The following ATRNL1 variants were observed in gnomAD, a reference collection of about 807,000 sequenced individuals.
ATRNL1 encodes the protein attractin-like protein 1.
In ATRNL1, 95 loss-of-function variants were observed where a neutral mutation model predicts 182.7. That is an observed-to-expected ratio of 0.52 (90% CI 0.44 to 0.62). ATRNL1 has a LOEUF of 0.62. Among genes scored for constraint, ATRNL1 ranks in the 20% least tolerant of loss-of-function variants. ATRNL1 has a pLI of 0.00. For missense variants in ATRNL1, 1,471 were observed against 1,679.5 expected (o/e 0.88, Z 2.17); for synonymous variants, 576 against 568.3 (o/e 1.01, Z -0.19).
At chr10:115,430,599 C>T (rs1309406721) in intron 21 of ATRNL1, among the ~76,000 whole-genome samples, 3 of 152,086 alleles carry the variant, frequency 2.0e-5, no homozygotes, top group African/African-American at 7.2e-5. Context: ...ATTATTTCAT[C>T]TCCCAGGTAA....
intron 24 of ATRNL1, among the ~76,000 whole-genome samples, chr10:115,501,225 C>T (rs35031734): frequency 0.16 from 25,027 of 152,084 alleles, 2,593 homozygotes; most frequent in South Asian, 0.24. Context: ...TGAGCCACTG[C>T]GTCTGGCCCA....
intron 27 of ATRNL1, among the ~76,000 whole-genome samples, chr10:115,748,908 T>A (rs546258593): frequency 6.6e-6 from 1 of 152,138 alleles, no homozygotes; most frequent in East Asian, 1.9e-4. Flanking sequence ...ATTTATTAAA[T>A]GCAAATGTAT....
At chr10:115,858,815 A>G (rs1227178951) in intron 28 of ATRNL1, among the ~76,000 whole-genome samples, 1 of 152,148 alleles carries the variant, frequency 6.6e-6, no homozygotes, top group Non-Finnish European at 1.5e-5. Context: ...TTGGTTATGA[A>G]TTAAATAGTC....
chr10:115,133,533 C>G (rs898611000), intron 5 of ATRNL1, among the ~76,000 whole-genome samples: 1 of 152,214 alleles, frequency 6.6e-6, no homozygotes, highest in Middle Eastern at 3.4e-3. Flanking sequence ...TACAGGAGCA[C>G]CCAGATTCAT....
intron 20 of ATRNL1, among the ~76,000 whole-genome samples, chr10:115,415,504 CT>C (rs782767524): frequency 1.2e-3 from 170 of 143,840 alleles, no homozygotes; most frequent in Middle Eastern, 3.6e-3. Flanking sequence ...ACTAATTGCA[CT>C]TTTTTTTTTT....
intron 10 of ATRNL1, among the ~76,000 whole-genome samples, chr10:115,257,739 C>G (rs1338521859): frequency 6.6e-6 from 1 of 152,142 alleles, no homozygotes; most frequent in East Asian, 1.9e-4. Context: ...TTTGCAATGG[C>G]TAGTCCCGTT....
rs76844057 is a variant in ATRNL1, at chr10:115,298,260, A to C, written c.2416-1774A>C. Among the ~76,000 whole-genome samples, 404 of 152,328 alleles carry C rather than the reference A, an allele frequency of 2.7e-3. 7 individuals carry two copies. The East Asian group carries it at 0.04, about 15-fold the overall frequency. On this transcript the variant is annotated intron_variant, in intron 15 of 28. Transcript: ENST00000355044. ...GGTCAAATGATCATTTACTTATCAG[A>C]AATGGCTAATGAAATGTTACAGTGA...
intron 5 of ATRNL1, among the ~76,000 whole-genome samples, chr10:115,133,177 A>C (rs1407951633): frequency 6.6e-6 from 1 of 152,138 alleles, no homozygotes; most frequent in African/African-American, 2.4e-5. Flanking sequence ...AGAACCATTT[A>C]TTAAATAGGG....
At chr10:115,697,746 A>G (rs1946609665) in intron 26 of ATRNL1, among the ~76,000 whole-genome samples, 1 of 152,214 alleles carries the variant, frequency 6.6e-6, no homozygotes, top group South Asian at 2.1e-4. Flanking sequence ...CATTTGAGTT[A>G]GAGGTCTTTA....
intron 28 of ATRNL1, among the ~76,000 whole-genome samples, chr10:115,892,729 A>C (rs528470957): frequency 6.6e-6 from 1 of 152,324 alleles, no homozygotes; most frequent in East Asian, 1.9e-4. Flanking sequence ...TGATCAGGGA[A>C]TATTTACTCT....
intron 5 of ATRNL1, among the ~76,000 whole-genome samples, chr10:115,151,379 A>G (rs1554880547): frequency 6.6e-6 from 1 of 152,100 alleles, no homozygotes; most frequent in African/African-American, 2.4e-5. Flanking sequence ...TCTCTCCAGC[A>G]CCTGTTGTTT....
chr10:115,305,307 T>C (rs1322896764), intron 17 of ATRNL1, among the ~76,000 whole-genome samples: 1 of 152,212 alleles, frequency 6.6e-6, no homozygotes, highest in Non-Finnish European at 1.5e-5. Flanking sequence ...CAATGCAGGC[T>C]GGAATCCCAG....
rs183720918 is a variant in ATRNL1, at chr10:115,775,871, T to A, written c.3903+48516T>A. Among the ~76,000 whole-genome samples, 257 of 150,816 alleles carry A rather than the reference T, an allele frequency of 1.7e-3. 2 individuals carry two copies. The highest frequency in any genetic ancestry group is 6.0e-4 in the Non-Finnish European group (41 of 67,882). The stretch of plus-strand genomic sequence containing the variant: ...TACTCAGGAGGCTGAGGCAGGAGAA[T>A]TGCTTTAACCCGGGAGGCGGAGGTT... On this transcript the variant is annotated intron_variant, in intron 27 of 28. Coordinates refer to ENST00000355044, the MANE Select transcript of ATRNL1 (RefSeq NM_207303.4).
intron 27 of ATRNL1, among the ~76,000 whole-genome samples, chr10:115,760,707 T>C (rs2960721): frequency 0.95 from 144,668 of 152,238 alleles, 69,151 homozygotes; most frequent in East Asian, 1. Context: ...ATATACTGGA[T>C]TTCAGATGAC....
At chr10:115,444,663 A>G (rs1355035023) in intron 21 of ATRNL1, among the ~76,000 whole-genome samples, 3 of 150,400 alleles carry the variant, frequency 2.0e-5, no homozygotes, top group African/African-American at 7.3e-5. Flanking sequence ...TTCAAAACTG[A>G]TATGTAGATT....
At position 115,467,176 on chromosome 10, in the gene ATRNL1, G is replaced by C; in HGVS notation, c.3420G>C (p.Ser1140=). 1 of 1,597,522 alleles carries C rather than the reference G, an allele frequency of 6.3e-7. No homozygotes were observed. Among genetic ancestry groups the C allele is most frequent in the African/African-American group, 1.4e-5 (1 of 74,000 alleles). ...AINFIANPEQ[S]NKNLDISINA... ...CTTAATATTTTCTTTTCTGGTAGTC[G>C]AACAAAAATCTGGATATATCAATTA... Residue 1140 remains serine, a splice_region_variant and synonymous_variant, in exon 23 of 29, where the codon TCG becomes TCC. Transcript: ENST00000355044.
chr10:115,839,036 T>C (rs1555096371), intron 27 of ATRNL1, among the ~76,000 whole-genome samples: 2 of 152,174 alleles, frequency 1.3e-5, no homozygotes, highest in African/African-American at 2.4e-5. Flanking sequence ...TGTGGATCTA[T>C]TAACATCTGA....
At chr10:115,328,667 G>A (rs961333116) in intron 18 of ATRNL1, among the ~76,000 whole-genome samples, 1 of 151,932 alleles carries the variant, frequency 6.6e-6, no homozygotes, top group South Asian at 2.1e-4. Context: ...ATATATGACT[G>A]AGATCATGTG....
chr10:115,805,473 A>G (rs556199469), intron 27 of ATRNL1, among the ~76,000 whole-genome samples: 1 of 152,100 alleles, frequency 6.6e-6, no homozygotes, highest in East Asian at 1.9e-4. Flanking sequence ...ACTTCCTACC[A>G]CTCATATCTT....
Sources: allele counts gnomAD v4.1 joint callset (sites outside exome capture counted in the v4.1 genomes callset), GRCh38; gene constraint gnomAD v4.1.1; transcripts MANE v1.5; gene names NCBI Gene and HGNC (gene_info 2026-07-23, HGNC 2026-07-21).